Variants in HMMR observed in about 807,000 individuals in gnomAD.
The protein encoded by HMMR is intracellular hyaluronic acid-binding protein.
Under a neutral mutation model 101.0 loss-of-function variants are expected in HMMR, and 108 were observed. That is an observed-to-expected ratio of 1.07 (90% CI 0.92 to 1.25). The LOEUF is 1.25. Among genes scored for constraint, HMMR ranks in the 50% most tolerant of loss-of-function variants. HMMR has a pLI of 0.00. For synonymous variants in HMMR, 296 were observed against 276.4 expected (o/e 1.07, Z -0.70); for missense variants, 813 against 788.7 (o/e 1.03, Z -0.37).
Position 163,460,636 on chromosome 5 carries a change from C to A in HMMR, c.-57C>A. On this transcript the variant is annotated 5_prime_UTR_variant, in exon 1 of 18. Transcript: ENST00000393915. ...TTGAAACCGGTAGGGAGTGATAATC[C>A]GCATTCAGTTGTCGAGGAGTGCCAG... The A allele has an allele frequency of 6.7e-7, 1 of 1,501,462 alleles. No individual in the cohort carries two copies. Among genetic ancestry groups the A allele is most frequent in the Non-Finnish European group, 9.1e-7 (1 of 1,094,674 alleles). The allele number at this position is 1,501,462 out of a possible 1,614,324, so 93.0% of individuals were successfully genotyped here.
intron 16 of HMMR, among the ~76,000 whole-genome samples, chr5:163,487,859 T>C (rs753267204): frequency 1.3e-5 from 2 of 152,034 alleles, no homozygotes; most frequent in Non-Finnish European, 2.9e-5. Context: ...TTTGTTTGGT[T>C]TTTGGGTTTT....
chr5:163,475,699 A>T, intron 11 of HMMR, 27 bp downstream of exon 11: 1 of 1,238,272 alleles, frequency 8.1e-7, no homozygotes, highest in South Asian at 1.3e-5. Flanking sequence ...TCTCATGTTT[A>T]TGTATGACTT....
intron 16 of HMMR, chr5:163,489,206 G>A (rs1759590182): frequency 6.6e-6 from 1 of 152,534 alleles, no homozygotes. Context: ...TGCCAGGAGG[G>A]GGAGCTCAGG....
rs1173156204 is a variant in HMMR at position 163,491,920 on chromosome 5, A to T, written c.*756A>T. On this transcript the variant is annotated 3_prime_UTR_variant, in exon 18 of 18. Transcript: ENST00000393915. ...CATTTGTGTAATATGAAATAAAATT[A>T]CACAGTAAGTCATTTAACCAATTAA... 6.6e-6 allele frequency: 1 copy of T among 152,218 alleles called. No individual in the cohort carries two copies. Among genetic ancestry groups the T allele is most frequent in the African/African-American group, 2.4e-5 (1 of 41,456 alleles). The allele number at this position is 152,218 out of a possible 1,614,324, so 9.4% of individuals were successfully genotyped here.
chr5:163,465,217 T>C (rs1758658698), intron 3 of HMMR: 1 of 171,324 alleles, frequency 5.8e-6, no homozygotes, highest in Admixed American at 6.1e-5. Flanking sequence ...ACTGAGAAAC[T>C]GTTAAGGAGT....
chr5:163,490,102 G>A (rs1165012337), intron 16 of HMMR, among the ~76,000 whole-genome samples: 1 of 152,188 alleles, frequency 6.6e-6, no homozygotes, highest in Non-Finnish European at 1.5e-5. Context: ...CTTTCATGCT[G>A]TCATGCCAGA....
At chr5:163,480,817 T>C (rs1259704676) in intron 12 of HMMR, among the ~76,000 whole-genome samples, 1 of 152,180 alleles carries the variant, frequency 6.6e-6, no homozygotes, top group African/African-American at 2.4e-5. Flanking sequence ...CTTTTCCTCA[T>C]TGATTTGTAG....
Position 163,474,196 on chromosome 5 carries a change from A to G in HMMR, c.1044A>G (p.Gln348=), listed in dbSNP as rs143570587. 2.6e-5 allele frequency: 42 copies of G among 1,603,032 alleles called. No individual in the cohort carries two copies. The highest frequency in any genetic ancestry group is 3.4e-5 in the Non-Finnish European group (40 of 1,175,756). The change falls in exon 10 of 18, where the codon CAA becomes CAG. Residue 348 remains glutamine (Q), a synonymous_variant. Coordinates refer to ENST00000393915, the MANE Select transcript of HMMR (RefSeq NM_001142556.2). ...QKELQIDSLL[Q]QEKELSSSLH... ...AATTACAAATTGATTCACTTCTGCA[A>G]CAAGAGAAAGTAATTTACCACCATA... is the stretch of plus-strand genomic sequence containing the variant.
intron 1 of HMMR, among the ~76,000 whole-genome samples, chr5:163,461,966 A>T (rs928837417): frequency 5.3e-5 from 8 of 152,222 alleles, no homozygotes; most frequent in African/African-American, 1.9e-4. Context: ...TTTATTCACT[A>T]TCATACACTA....
intron 7 of HMMR, among the ~76,000 whole-genome samples, chr5:163,472,687 C>T (rs960351704): frequency 6.6e-6 from 1 of 152,072 alleles, no homozygotes; most frequent in African/African-American, 2.4e-5. Context: ...GAATGTTGAC[C>T]TTATTTTTAT....
chr5:163,482,880 C>T, intron 13 of HMMR, 92 bp downstream of exon 13: 1 of 1,342,010 alleles, frequency 7.5e-7, no homozygotes, highest in Non-Finnish European at 1.0e-6. Context: ...TTTTGGCCAT[C>T]TTATACTGCA....
At chr5:163,475,224 A>G (rs1759029610) in intron 10 of HMMR, among the ~76,000 whole-genome samples, 1 of 152,016 alleles carries the variant, frequency 6.6e-6, no homozygotes, top group African/African-American at 2.4e-5. Flanking sequence ...TAGATTAAGA[A>G]GTTTCTGCAT....
Position 163,483,304 on chromosome 5 carries a change from T to G in HMMR, c.1722T>G (p.Thr574=). 6.2e-7 allele frequency: 1 copy of G among 1,610,346 alleles called. No individual in the cohort carries two copies. The highest frequency in any genetic ancestry group is 8.5e-7 in the Non-Finnish European group (1 of 1,176,916). Residue 574 remains threonine, a synonymous_variant, in exon 15 of 18, where the codon ACT becomes ACG. Coordinates refer to ENST00000393915, the MANE Select transcript of HMMR (RefSeq NM_001142556.2). The part of the protein sequence containing the change: ...AEKENTTAEL[T]EEINKWRLLY... ...AAGAAAATACAACAGCAGAATTAAC[T>G]GAAGAAATTAACAAGTGGCGTCTCC... is the stretch of plus-strand genomic sequence containing the variant.
At position 163,473,505 on chromosome 5, in the gene HMMR, T is replaced by C; in HGVS notation, c.852T>C (p.Ser284=). ...QSLEENIVIL[S]KQVEDLNVKC... ...TTGAGGAGAATATTGTTATATTATC[T>C]AAACAAGTAGAAGATCTAAATGTGA... The change falls in exon 9 of 18, where the codon TCT becomes TCC. Residue 284 remains serine, a synonymous_variant. Coordinates refer to ENST00000393915, the MANE Select transcript of HMMR (RefSeq NM_001142556.2). 1.3e-6 allele frequency: 2 copies of C among 1,593,490 alleles called. No homozygotes were observed. The highest frequency in any genetic ancestry group is 1.7e-6 in the Non-Finnish European group (2 of 1,167,090).
At chr5:163,488,853 C>T (rs772973393) in intron 16 of HMMR, among the ~76,000 whole-genome samples, 19 of 152,192 alleles carry the variant, frequency 1.2e-4, no homozygotes, top group Non-Finnish European at 2.5e-4. Flanking sequence ...AAGGGCTCGT[C>T]CCAGCTGTCA....
chr5:163,474,240 T>G (rs760189290), intron 10 of HMMR, 35 bp downstream of exon 10: 2 of 1,531,392 alleles, frequency 1.3e-6, no homozygotes, highest in Middle Eastern at 3.6e-4. Flanking sequence ...AACTGTTCAT[T>G]TTGTGTCATA....
intron 7 of HMMR, among the ~76,000 whole-genome samples, chr5:163,472,272 C>T (rs1375778950): frequency 6.6e-6 from 1 of 151,976 alleles, no homozygotes; most frequent in African/African-American, 2.4e-5. Flanking sequence ...TCATCCAAAC[C>T]GTTCTGTATA....
At position 163,474,109 on chromosome 5, in the gene HMMR, G is replaced by C; in HGVS notation, c.957G>C (p.Met319Ile). The change falls in exon 10 of 18, where the codon ATG (methionine) becomes ATC (isoleucine). Residue 319 changes from methionine (M) to isoleucine (I), a missense_variant. Met to Ile is a conservative substitution (Grantham distance 10, BLOSUM62 1). Coordinates refer to ENST00000393915, the MANE Select transcript of HMMR (RefSeq NM_001142556.2). ...REHNENLNAE[M>I]QNLKQKFILE... ...ACAACGAAAATCTAAATGCAGAGAT[G>C]CAAAACTTAAAACAGAAGTTTATTC... 8 of 1,611,514 alleles carry C rather than the reference G, an allele frequency of 5.0e-6. No homozygotes were observed. The highest frequency in any genetic ancestry group is 6.8e-6 in the Non-Finnish European group (8 of 1,178,452).
chr5:163,460,676 T>C lies in HMMR; in HGVS notation c.-17T>C. The C allele has an allele frequency of 6.2e-7, 1 of 1,601,052 alleles. No individual in the cohort carries two copies. Among genetic ancestry groups the C allele is most frequent in the South Asian group, 1.1e-5 (1 of 88,888 alleles). The stretch of plus-strand genomic sequence containing the variant: ...AGGAGTGCCAGTCACCTTCAGTTTC[T>C]GGAGCTGGCCGTCAACATGTCCTTT... On this transcript the variant is annotated 5_prime_UTR_variant, in exon 1 of 18. Coordinates refer to ENST00000393915, the MANE Select transcript of HMMR (RefSeq NM_001142556.2).
Sources: allele counts gnomAD v4.1 joint callset (sites outside exome capture counted in the v4.1 genomes callset), GRCh38; gene constraint gnomAD v4.1.1; transcripts MANE v1.5; gene names NCBI Gene and HGNC (gene_info 2026-07-23, HGNC 2026-07-21).